The following SLC4A4 variants were observed in gnomAD, a reference collection of about 807,000 sequenced individuals.
SLC4A4 encodes the protein solute carrier family 4 member 4, also known as electrogenic sodium bicarbonate cotransporter 1.
In SLC4A4, 27 loss-of-function variants were observed where a neutral mutation model predicts 111.5. That is an observed-to-expected ratio of 0.24 (90% CI 0.18 to 0.33). The LOEUF is 0.33. SLC4A4 is among the 10% of genes least tolerant of loss of function. The pLI, the probability that SLC4A4 is intolerant of heterozygous loss-of-function variation, is 1.00. For synonymous variants in SLC4A4, 443 were observed against 463.4 expected (o/e 0.96, Z 0.57); for missense variants, 909 against 1,315.5 (o/e 0.69, Z 4.78).
intron 1 of SLC4A4, among the ~76,000 whole-genome samples, chr4:71,188,957 CTTGAAA>C (rs1269559036): frequency 6.6e-6 from 1 of 151,946 alleles, no homozygotes; most frequent in Non-Finnish European, 1.5e-5. Flanking sequence ...TGTGGTAGAT[CTTGAAA>C]TTGAATGATT....
intron 10 of SLC4A4, 47 bp from the exon 11 acceptor site, chr4:71,451,141 T>C (rs373681302): frequency 1.6e-6 from 2 of 1,220,108 alleles, no homozygotes; most frequent in Non-Finnish European, 2.4e-6. Context: ...AAGAAGCGAA[T>C]GAATAAAATA....
intron 2 of SLC4A4, among the ~76,000 whole-genome samples, chr4:71,165,137 C>A (rs949470424): frequency 6.0e-4 from 8 of 13,306 alleles, no homozygotes; most frequent in African/African-American, 6.4e-4. Context: ...TTGTGGAAGA[C>A]AGTGTGGAGA....
intron 3 of SLC4A4, among the ~76,000 whole-genome samples, chr4:71,262,589 T>C (rs1163495841): frequency 6.6e-6 from 1 of 152,194 alleles, no homozygotes; most frequent in African/African-American, 2.4e-5. Flanking sequence ...CTTCAAAGTT[T>C]CTCTTATGTC....
chr4:71,100,521 C>G (rs1353589732), intron 2 of SLC4A4, among the ~76,000 whole-genome samples: 2 of 152,124 alleles, frequency 1.3e-5, no homozygotes, highest in Admixed American at 6.6e-5. Flanking sequence ...GAAGCACCCC[C>G]CTTGAAAACT....
At position 71,571,052 on chromosome 4, in the gene SLC4A4, G is replaced by T. The variant is rs1268886440; in HGVS notation, c.*3301G>T. 6.6e-6 allele frequency: 1 copy of T among 152,196 alleles called. No homozygotes were observed. Among genetic ancestry groups the T allele is most frequent in the Non-Finnish European group, 1.5e-5 (1 of 67,848 alleles). 9.4% of individuals were successfully genotyped at this position (152,196 alleles called of 1,614,324 possible). A position where few individuals can be genotyped will look rare whatever the true frequency, so the allele number is the denominator to read the frequency against. On this transcript the variant is annotated 3_prime_UTR_variant, in exon 26 of 26. Coordinates refer to ENST00000264485, the MANE Select transcript of SLC4A4 (RefSeq NM_001098484.3). The stretch of plus-strand genomic sequence containing the variant: ...CAGTTTGCGTGTATTTTATGCTCAT[G>T]CACCAACCCATACAGAGTAAATCTT...
intron 16 of SLC4A4, among the ~76,000 whole-genome samples, chr4:71,527,473 G>A (rs1355446802): frequency 1.3e-5 from 2 of 152,028 alleles, no homozygotes; most frequent in African/African-American, 2.4e-5. Context: ...TATTCAAAGA[G>A]CAGGTTTAGG....
At chr4:71,320,202 A>G (rs1398787620) in intron 3 of SLC4A4, among the ~76,000 whole-genome samples, 13 of 152,052 alleles carry the variant, frequency 8.5e-5, no homozygotes, top group African/African-American at 2.2e-4. Flanking sequence ...CAACTTAGGT[A>G]TTCATATTTA....
chr4:71,480,891 G>A (rs4235094), intron 14 of SLC4A4, among the ~76,000 whole-genome samples: 85,678 of 151,182 alleles, frequency 0.57, 26,418 homozygotes, highest in Non-Finnish European at 0.71. Flanking sequence ...ACTATATCTT[G>A]ATAACATTGT....
chr4:71,391,889 A>T (rs1192376237), intron 6 of SLC4A4, among the ~76,000 whole-genome samples: 1 of 152,052 alleles, frequency 6.6e-6, no homozygotes, highest in African/African-American at 2.4e-5. Flanking sequence ...TTTAGGGTAC[A>T]CTTGTATTTC....
chr4:71,201,361 C>CT (rs1560776032), intron 1 of SLC4A4, among the ~76,000 whole-genome samples: 1 of 152,114 alleles, frequency 6.6e-6, no homozygotes, highest in Non-Finnish European at 1.5e-5. Flanking sequence ...GGGGTGTGAC[C>CT]TTGGGTCAGA....
At chr4:71,480,569 A>G (rs749474525) in intron 14 of SLC4A4, among the ~76,000 whole-genome samples, 1 of 151,712 alleles carries the variant, frequency 6.6e-6, no homozygotes, top group South Asian at 2.1e-4. Context: ...AAAAGGTACT[A>G]GTGTGCTCAA....
chr4:71,468,682 C>T (rs1272486064), intron 13 of SLC4A4, among the ~76,000 whole-genome samples: 1 of 151,272 alleles, frequency 6.6e-6, no homozygotes, highest in East Asian at 2.0e-4. Flanking sequence ...TTGGGTAGAT[C>T]ACTATTTCCA....
chr4:71,339,645 T>C (rs1728726527), intron 4 of SLC4A4, 140 bp downstream of exon 4: 3 of 752,224 alleles, frequency 4.0e-6, no homozygotes, highest in Non-Finnish European at 6.8e-6. Flanking sequence ...AAGGAGTAAA[T>C]AATTCTATTT....
chr4:71,256,641 A>G (rs1028447923), intron 3 of SLC4A4, among the ~76,000 whole-genome samples: 2 of 152,154 alleles, frequency 1.3e-5, no homozygotes, highest in Non-Finnish European at 2.9e-5. Context: ...TACTGGGGGA[A>G]GGTCTGTCTG....
chr4:71,111,524 G>GTTTTTT (rs150777420), intron 2 of SLC4A4, among the ~76,000 whole-genome samples: 20 of 60,820 alleles, frequency 3.3e-4, no homozygotes, highest in African/African-American at 4.8e-4. Flanking sequence ...CCACGCTCAG[G>GTTTTTT]TTTTTTTTTT....
At chr4:71,286,412 TC>T (rs1723925074) in intron 3 of SLC4A4, among the ~76,000 whole-genome samples, 1 of 152,350 alleles carries the variant, frequency 6.6e-6, no homozygotes, top group South Asian at 2.1e-4. Flanking sequence ...TTTGTACTGA[TC>T]AGCTGGTGGA....
intron 6 of SLC4A4, among the ~76,000 whole-genome samples, chr4:71,372,404 T>C (rs1731975207): frequency 1.3e-5 from 2 of 152,350 alleles, no homozygotes; most frequent in African/African-American, 4.8e-5. Context: ...AAAGAGAAGC[T>C]ACTTTTCAGG....
chr4:71,207,304 C>G (rs551138324), intron 1 of SLC4A4, among the ~76,000 whole-genome samples: 2 of 152,156 alleles, frequency 1.3e-5, no homozygotes, highest in Non-Finnish European at 2.9e-5. Flanking sequence ...AATGTTTCAT[C>G]TGCTTTAGTA....
chr4:71,080,546 C>T (rs997104699), intron 1 of SLC4A4, among the ~76,000 whole-genome samples: 1 of 152,118 alleles, frequency 6.6e-6, no homozygotes, highest in Non-Finnish European at 1.5e-5. Context: ...CAATTTTCAG[C>T]ATCACATCAG....
Sources: gnomAD v4.1 joint callset for allele counts (sites outside exome capture counted in the v4.1 genomes callset) on GRCh38, gnomAD v4.1.1 for gene constraint, MANE v1.5 for transcripts, NCBI Gene and HGNC (gene_info 2026-07-23, HGNC 2026-07-21) for gene names.